Variants in XXYLT1 observed in about 807,000 individuals in gnomAD.
XXYLT1 encodes UDP-xylose:alpha-xyloside alpha-1,3-xylosyltransferase.
XXYLT1 carries 20 observed loss-of-function variants against 28.9 expected under a neutral mutation model. The ratio of observed to expected loss-of-function variants is 0.69; its 90% CI spans 0.49 to 1.00. The LOEUF (loss-of-function observed/expected upper bound fraction) is 1.00. Among genes scored for constraint, XXYLT1 ranks in the 50% least tolerant of loss-of-function variants. The pLI is 0.00. For synonymous variants in XXYLT1, 257 were observed against 253.8 expected, an observed-to-expected ratio of 1.01 and a Z score of -0.12; for missense variants, 542 against 560.1, an observed-to-expected ratio of 0.97 and a Z score of 0.33.
In XXYLT1 at chr3:195,076,971, A is replaced by T. The variant is rs146780465; in HGVS notation, c.786-6860T>A. Among the ~76,000 whole-genome samples, 410 of 152,320 alleles carry T rather than the reference A, an allele frequency of 2.7e-3. 2 individuals are homozygous for T. Among genetic ancestry groups the T allele is most frequent in the African/African-American group, 8.2e-3 (341 of 41,576 alleles). On this transcript the variant is annotated intron_variant, in intron 3 of 3. Coordinates refer to ENST00000310380, the MANE Select transcript of XXYLT1 (RefSeq NM_152531.5). This position sits in a 1 kb window ranked among gnomAD's most constrained non-coding sequence, Gnocchi z 5.3. ...TGGGGGCTAGGATTTCTGCAGAGGA[A>T]TTCTGAGGGACACACTTCAACCCAC... is the stretch of plus-strand genomic sequence containing the variant.
At chr3:195,112,549 G>A (rs1395978187) in intron 3 of XXYLT1, among the ~76,000 whole-genome samples, 2 of 143,926 alleles carry the variant, frequency 1.4e-5, no homozygotes, top group East Asian at 2.1e-4. Context: ...CCCCAGGTGG[G>A]AACAGCTAGA....
At chr3:195,112,504 CCACACACACCCA>C (rs1312014492) in intron 3 of XXYLT1, among the ~76,000 whole-genome samples, 13 of 32,382 alleles carry the variant, frequency 4.0e-4, no homozygotes, top group Admixed American at 4.6e-4. Context: ...ATGCACACAC[CCACACACACCCA>C]CACACACACA....
In XXYLT1 at chr3:195,184,715, A is replaced by G. The variant is rs76435294; in HGVS notation, c.653-28134T>C. 9.4e-4 allele frequency: 924 copies of G among 985,456 alleles called. 5 individuals are homozygous for G. In the African/African-American group the frequency reaches 0.015, roughly 16 times the overall value. The allele number at this position is 985,456 out of a possible 1,614,324, so 61.0% of individuals were successfully genotyped here. ...CCCACACACAGCCGGTAAAACTTCC[A>G]ATATTTGAGTCTATCATAGACACAG... On this transcript the variant is annotated intron_variant, in intron 2 of 3. Coordinates refer to ENST00000310380, the MANE Select transcript of XXYLT1 (RefSeq NM_152531.5).
rs114281307 is a variant in XXYLT1, at chr3:195,258,145, A to T, written c.504+12410T>A. Among the ~76,000 whole-genome samples the T allele has an allele frequency of 8.0e-3, 1,220 of 152,284 alleles. 23 individuals carry two copies. Among genetic ancestry groups the T allele is most frequent in the African/African-American group, 0.028 (1,169 of 41,552 alleles). Reference sequence around the variant, plus strand: ...ACCTGAGCGGTCACACAGAGGTCACATCCTGGGCTGCTGTGATGCTCTGGC... The same window carrying T: ...ACCTGAGCGGTCACACAGAGGTCACTTCCTGGGCTGCTGTGATGCTCTGGC... On this transcript the variant is annotated intron_variant, in intron 1 of 3. Transcript: ENST00000310380.
intron 2 of XXYLT1, among the ~76,000 whole-genome samples, chr3:195,205,446 T>C (rs1418710726): frequency 6.6e-6 from 1 of 152,192 alleles, no homozygotes; most frequent in Non-Finnish European, 1.5e-5. Context: ...ATACACATTC[T>C]TGAAATACAG....
chr3:195,260,900 T>C (rs1725677663), intron 1 of XXYLT1, among the ~76,000 whole-genome samples: 1 of 152,166 alleles, frequency 6.6e-6, no homozygotes, highest in African/African-American at 2.4e-5. Context: ...TTGGTTCATA[T>C]TGAATGGATT....
chr3:195,241,273 G>T (rs944835258), intron 1 of XXYLT1, among the ~76,000 whole-genome samples: 10 of 152,334 alleles, frequency 6.6e-5, no homozygotes, highest in Admixed American at 6.5e-4. Flanking sequence ...GAGGCTGGTG[G>T]TTGGGGACAC....
At chr3:195,244,591 T>C (rs1406287993) in intron 1 of XXYLT1, among the ~76,000 whole-genome samples, 12 of 143,142 alleles carry the variant, frequency 8.4e-5, no homozygotes, top group South Asian at 4.6e-4. Context: ...GAGAAACCCC[T>C]GTCTCTACTA....
rs1339195234 is a variant in XXYLT1 at position 195,077,725 on chromosome 3, G to A, written c.786-7614C>T. Reference sequence around the variant, plus strand: ...GGCAGCCCTTCAGCCCCCTGCAGGCGTCCGTTTCTCCAGAGCCCTGCAGAA... The same window carrying A: ...GGCAGCCCTTCAGCCCCCTGCAGGCATCCGTTTCTCCAGAGCCCTGCAGAA... On this transcript the variant is annotated intron_variant, in intron 3 of 3. Coordinates refer to ENST00000310380, the MANE Select transcript of XXYLT1 (RefSeq NM_152531.5). This position sits in a 1 kb window ranked among gnomAD's most constrained non-coding sequence, Gnocchi z 4.8. Among the ~76,000 whole-genome samples, 1 of 152,160 alleles carries A rather than the reference G, an allele frequency of 6.6e-6. No individual in the cohort carries two copies. Among genetic ancestry groups the A allele is most frequent in the Non-Finnish European group, 1.5e-5 (1 of 68,014 alleles).
intron 2 of XXYLT1, among the ~76,000 whole-genome samples, chr3:195,204,184 C>T (rs543788765): frequency 6.6e-6 from 1 of 151,868 alleles, no homozygotes; most frequent in Non-Finnish European, 1.5e-5. Context: ...CTCTACTAAA[C>T]ATACAAAGAT....
chr3:195,187,906 C>T (rs1345588738), intron 2 of XXYLT1, among the ~76,000 whole-genome samples: 2 of 152,212 alleles, frequency 1.3e-5, no homozygotes, highest in African/African-American at 4.8e-5. Flanking sequence ...TTATTTTCAA[C>T]CTTTTACCCC....
At chr3:195,192,062 G>A (rs1166060583) in intron 2 of XXYLT1, among the ~76,000 whole-genome samples, 1 of 152,152 alleles carries the variant, frequency 6.6e-6, no homozygotes, top group African/African-American at 2.4e-5. Context: ...GCACATTGAA[G>A]AACACACAGA....
Position 195,208,626 on chromosome 3 carries a change from C to G in XXYLT1, c.652+18083G>C, listed in dbSNP as rs554490420. 4.6e-5 allele frequency among the ~76,000 whole-genome samples: 7 copies of G among 152,266 alleles called. No individual in the cohort carries two copies. The South Asian group carries it at 1.5e-3, about 32-fold the overall frequency. Reference sequence around the variant, plus strand: ...AGAAAAGCACATTTTTAGAAGGCAGCTGTAGAGAGGAGAAAATAAAGAAGT... The same window carrying G: ...AGAAAAGCACATTTTTAGAAGGCAGGTGTAGAGAGGAGAAAATAAAGAAGT... On this transcript the variant is annotated intron_variant, in intron 2 of 3. Transcript: ENST00000310380.
At chr3:195,110,702 GT>G (rs1187869224) in intron 3 of XXYLT1, among the ~76,000 whole-genome samples, 1 of 118,154 alleles carries the variant, frequency 8.5e-6, no homozygotes, top group East Asian at 2.3e-4. Context: ...GTGTGCATGT[GT>G]GTGGTGTGTG....
chr3:195,124,046 C>G lies in XXYLT1; in HGVS notation c.785+32403G>C, dbSNP rs775571037. Among the ~76,000 whole-genome samples the G allele has an allele frequency of 3.9e-5, 6 of 152,228 alleles. No homozygotes were observed. Among genetic ancestry groups the G allele is most frequent in the African/African-American group, 1.4e-4 (6 of 41,456 alleles). On this transcript the variant is annotated intron_variant, in intron 3 of 3. Transcript: ENST00000310380. This position sits in a 1 kb window ranked among gnomAD's most constrained non-coding sequence, Gnocchi z 4.1. ...ACTTCTAGGAGCCTTTAGTGTGCTC[C>G]GTGAATCTAGAAGAGGGGGAATAAA... is the stretch of plus-strand genomic sequence containing the variant.
intron 2 of XXYLT1, among the ~76,000 whole-genome samples, chr3:195,204,441 GAC>G (rs1389880459): frequency 6.8e-6 from 1 of 146,742 alleles, no homozygotes; most frequent in Non-Finnish European, 1.5e-5. Flanking sequence ...CTCTCTCCCT[GAC>G]ACACACACGC....
chr3:195,088,137 T>G (rs867874605), intron 3 of XXYLT1, among the ~76,000 whole-genome samples: 27 of 149,816 alleles, frequency 1.8e-4, no homozygotes, highest in South Asian at 6.4e-4. Context: ...CAGGCTTGAT[T>G]AGGTAAACAA....
chr3:195,177,632 A>G (rs538184997), intron 2 of XXYLT1, among the ~76,000 whole-genome samples: 40 of 152,212 alleles, frequency 2.6e-4, no homozygotes, highest in Non-Finnish European at 5.9e-5. Context: ...TAGCCTCAAA[A>G]AATGGGGAGA....
chr3:195,235,130 G>A (rs896417175), intron 1 of XXYLT1, among the ~76,000 whole-genome samples: 2 of 151,858 alleles, frequency 1.3e-5, no homozygotes, highest in Non-Finnish European at 2.9e-5. Flanking sequence ...TTTTGAGACA[G>A]GGTCTGGCTC....
Sources: allele counts gnomAD v4.1 joint callset (sites outside exome capture counted in the v4.1 genomes callset), GRCh38; gene constraint gnomAD v4.1.1; non-coding constraint Gnocchi (gnomAD v3.1); transcripts MANE v1.5; gene names NCBI Gene and HGNC (gene_info 2026-07-23, HGNC 2026-07-21).